Variants in C1orf94 observed in about 807,000 individuals in gnomAD.
C1orf94 encodes uncharacterized protein C1orf94.
A neutral mutation model predicts 53.6 loss-of-function variants in C1orf94; 45 were observed. The ratio of observed to expected loss-of-function variants is 0.84; its 90% CI spans 0.66 to 1.08. The LOEUF is 1.08. Ranked by LOEUF, C1orf94 falls within the 50% of genes least tolerant of loss-of-function variation. The probability of loss-of-function intolerance (pLI) is 0.00; values close to 1 mark genes in which losing one functional copy is unlikely to be tolerated. For synonymous variants in C1orf94, 304 were observed against 296.1 expected (o/e 1.03, Z -0.27); for missense variants, 762 against 738.9 (o/e 1.03, Z -0.36).
chr1:34,187,769 A>ACCC (rs1304813112), intron 1 of C1orf94, among the ~76,000 whole-genome samples: 2 of 42,088 alleles, frequency 4.8e-5, no homozygotes, highest in African/African-American at 2.1e-4. Context: ...GAATCCACCC[A>ACCC]CCCCCCCCCC....
At chr1:34,186,334 C>T (rs1455081258) in intron 1 of C1orf94, among the ~76,000 whole-genome samples, 1 of 152,202 alleles carries the variant, frequency 6.6e-6, no homozygotes, top group Non-Finnish European at 1.5e-5. Flanking sequence ...ATATGTAGAG[C>T]TCACACAGCA....
chr1:34,178,851 T>C (rs1571334905), intron 1 of C1orf94, among the ~76,000 whole-genome samples: 1 of 152,256 alleles, frequency 6.6e-6, no homozygotes, highest in African/African-American at 2.4e-5. Flanking sequence ...ATACCGCCGT[T>C]GAGCACTTAC....
In C1orf94 at chr1:34,177,738, A is replaced by T. The variant is rs961327656; in HGVS notation, c.-52A>T. 6.8e-7 allele frequency: 1 copy of T among 1,462,876 alleles called. No individual in the cohort carries two copies. The highest frequency in any genetic ancestry group is 9.1e-7 in the Non-Finnish European group (1 of 1,096,956). The allele number at this position is 1,462,876 out of a possible 1,614,324, so 90.6% of individuals were successfully genotyped here. On this transcript the variant is annotated 5_prime_UTR_variant, in exon 1 of 7. Transcript: ENST00000488417. Reference sequence around the variant, plus strand: ...ACCACCTTGCTGGAGCGAAAGCCAGACAGAACTGACCCACTTCTGCCAAGC... The same window carrying T: ...ACCACCTTGCTGGAGCGAAAGCCAGTCAGAACTGACCCACTTCTGCCAAGC...
At chr1:34,186,127 G>GTTA (rs1642381618) in intron 1 of C1orf94, among the ~76,000 whole-genome samples, 1 of 152,048 alleles carries the variant, frequency 6.6e-6, no homozygotes, top group African/African-American at 2.4e-5. Flanking sequence ...AAACAACTAT[G>GTTA]TCCCACCTCT....
At chr1:34,212,975 A>G (rs1642920565) in intron 6 of C1orf94, among the ~76,000 whole-genome samples, 1 of 152,246 alleles carries the variant, frequency 6.6e-6, no homozygotes, top group Non-Finnish European at 1.5e-5. Flanking sequence ...GCAAACAGCC[A>G]GCACAAACTC....
chr1:34,197,810 C>A lies in C1orf94; in HGVS notation c.906C>A (p.Asp302Glu). The change falls in exon 2 of 7, where the codon GAC becomes GAA. Residue 302 changes from aspartate to glutamate, a missense_variant. Physicochemically the swap from Asp to Glu is conservative, Grantham distance 45. Coordinates refer to ENST00000488417, the MANE Select transcript of C1orf94 (RefSeq NM_001134734.2). The surrounding 1 kb of genome is among the most constrained non-coding windows in gnomAD (Gnocchi z 4.1). ...LPPRPPPARP[D>E]KLPELPAQKR... ...CCCGACCTCCTCCTGCACGTCCTGA[C>A]AAGCTCCCTGAGCTCCCTGCTCAGA... 6.2e-7 allele frequency: 1 copy of A among 1,614,064 alleles called. No homozygotes were observed. The highest frequency in any genetic ancestry group is 8.5e-7 in the Non-Finnish European group (1 of 1,179,986).
At chr1:34,215,386 T>C (rs1377135410) in intron 6 of C1orf94, among the ~76,000 whole-genome samples, 1 of 152,182 alleles carries the variant, frequency 6.6e-6, no homozygotes, top group Non-Finnish European at 1.5e-5. Flanking sequence ...GAAAACCATG[T>C]AGGCTTTTAA....
chr1:34,173,834 C>T (rs1642182792), upstream of C1orf94, among the ~76,000 whole-genome samples: 1 of 152,180 alleles, frequency 6.6e-6, no homozygotes, highest in South Asian at 2.1e-4. Flanking sequence ...CCATTAAATG[C>T]TTCACTTTAA....
Position 34,202,891 on chromosome 1 carries a change from A to G in C1orf94, c.1446+632A>G, listed in dbSNP as rs192277037. ...TGAAGAAGAAAACAACAACAACAAC[A>G]ACAAAATACAACAACAAAAAATAAT... is the stretch of plus-strand genomic sequence containing the variant. On this transcript the variant is annotated intron_variant, in intron 4 of 6. Transcript: ENST00000488417. Among the ~76,000 whole-genome samples, 233 of 152,346 alleles carry G rather than the reference A, an allele frequency of 1.5e-3. 1 individual carries two copies. The highest frequency in any genetic ancestry group is 3.4e-3 in the Middle Eastern group (1 of 294).
At chr1:34,174,343 AT>A (rs1489845106), upstream of C1orf94, among the ~76,000 whole-genome samples, 1 of 152,236 alleles carries the variant, frequency 6.6e-6, no homozygotes, top group African/African-American at 2.4e-5. Context: ...GTGTTAAGCA[AT>A]TGGTTAGTAA....
chr1:34,186,622 G>A (rs1394876293), intron 1 of C1orf94, among the ~76,000 whole-genome samples: 1 of 152,204 alleles, frequency 6.6e-6, no homozygotes, highest in Non-Finnish European at 1.5e-5. Flanking sequence ...AGAGACAAAT[G>A]CTTCCCCAGC....
chr1:34,186,496 A>T (rs1395506234), intron 1 of C1orf94, among the ~76,000 whole-genome samples: 2 of 152,228 alleles, frequency 1.3e-5, no homozygotes, highest in Non-Finnish European at 2.9e-5. Context: ...AAACTGCTCA[A>T]CTGATAACAG....
At position 34,197,974 on chromosome 1, in the gene C1orf94, C is replaced by A; in HGVS notation, c.1009+61C>A. On this transcript the variant is annotated intron_variant, in intron 2 of 6. Transcript: ENST00000488417. The surrounding 1 kb of genome is among the most constrained non-coding windows in gnomAD (Gnocchi z 4.1). ...CAAGGAGGAGGTCCTTCCCAGGAAG[C>A]CAATCAGGGCTGCAGCATGTACATA... 1.4e-6 allele frequency: 2 copies of A among 1,474,272 alleles called. No homozygotes were observed. Among genetic ancestry groups the A allele is most frequent in the South Asian group, 2.7e-5 (2 of 75,296 alleles). 91.3% of individuals were successfully genotyped at this position (1,474,272 alleles called of 1,614,324 possible).
chr1:34,205,875 C>T (rs375952586), intron 4 of C1orf94, among the ~76,000 whole-genome samples: 2 of 152,144 alleles, frequency 1.3e-5, no homozygotes, highest in African/African-American at 4.8e-5. Context: ...GGCTACTTGG[C>T]ATAAAGGAAC....
At chr1:34,168,155 A>C (rs942280436) in intron 1 of C1orf94, among the ~76,000 whole-genome samples, 24 of 152,196 alleles carry the variant, frequency 1.6e-4, no homozygotes, top group Non-Finnish European at 7.3e-5. Context: ...GGGATCTAAA[A>C]TTAAGCAAGA....
chr1:34,189,865 A>G (rs1557480497), intron 1 of C1orf94, among the ~76,000 whole-genome samples: 1 of 152,240 alleles, frequency 6.6e-6, no homozygotes, highest in Non-Finnish European at 1.5e-5. Flanking sequence ...AGAGAAGGGA[A>G]GCGAATTGTA....
chr1:34,197,532 A>T lies in C1orf94; in HGVS notation c.628A>T (p.Ile210Phe). 6.2e-7 allele frequency: 1 copy of T among 1,614,128 alleles called. No individual in the cohort carries two copies. The highest frequency in any genetic ancestry group is 8.5e-7 in the Non-Finnish European group (1 of 1,180,010). ...CDSATSTVTD[I>F]LCAAEVKSSK... Reference sequence around the variant, plus strand: ...TTCTGCCACTTCTACTGTCACAGACATTCTGTGTGCCGCCGAGGTCAAGAG... The same window carrying T: ...TTCTGCCACTTCTACTGTCACAGACTTTCTGTGTGCCGCCGAGGTCAAGAG... Residue 210 changes from isoleucine (I) to phenylalanine (F), a missense_variant, in exon 2 of 7, where the codon ATT becomes TTT. Physicochemically the swap from Ile to Phe is conservative, Grantham distance 21 (BLOSUM62 0). Coordinates refer to ENST00000488417, the MANE Select transcript of C1orf94 (RefSeq NM_001134734.2). The surrounding 1 kb of genome is among the most constrained non-coding windows in gnomAD (Gnocchi z 4.1).
chr1:34,197,748 G>A lies in C1orf94; in HGVS notation c.844G>A (p.Glu282Lys), dbSNP rs760038036. The A allele has an allele frequency of 6.2e-7, 1 of 1,614,158 alleles. No homozygotes were observed. The highest frequency in any genetic ancestry group is 8.5e-7 in the Non-Finnish European group (1 of 1,180,020). The change falls in exon 2 of 7, where the codon GAG becomes AAG. Residue 282 changes from glutamate (E) to lysine (K), a missense_variant. Coordinates refer to ENST00000488417, the MANE Select transcript of C1orf94 (RefSeq NM_001134734.2). This position sits in a 1 kb window ranked among gnomAD's most constrained non-coding sequence, Gnocchi z 4.1. The stretch of plus-strand genomic sequence containing the variant: ...CCTGTTCAGTGGCCCTGGACCCAAG[G>A]AGCCCACAGGGCTGAGCCCATTTCT... ...DNLFSGPGPK[E>K]PTGLSPFLLL...
intron 1 of C1orf94, among the ~76,000 whole-genome samples, chr1:34,186,044 T>A (rs1333755943): frequency 6.6e-6 from 1 of 152,266 alleles, no homozygotes; most frequent in Non-Finnish European, 1.5e-5. Context: ...TGTTGTCCTC[T>A]GAATTCTTTG....
Sources: allele counts gnomAD v4.1 joint callset (sites outside exome capture counted in the v4.1 genomes callset), GRCh38; gene constraint gnomAD v4.1.1; non-coding constraint Gnocchi (gnomAD v3.1); transcripts MANE v1.5; gene names NCBI Gene and HGNC (gene_info 2026-07-23, HGNC 2026-07-21).